TANC2: variants seen among roughly 807,000 people sequenced by gnomAD.
TANC2 encodes protein TANC2.
In TANC2, 26 loss-of-function variants were observed where a neutral mutation model predicts 210.5. The observed-to-expected ratio is 0.12, with a 90% confidence interval of 0.09 to 0.17. TANC2 has a LOEUF of 0.17. Among genes scored for constraint, TANC2 ranks in the 10% least tolerant of loss-of-function variants. The pLI is 1.00. For missense variants in TANC2, 2,129 were observed against 2,608.9 expected (o/e 0.82, Z 4.01); for synonymous variants, 931 against 967.1 (o/e 0.96, Z 0.69).
At chr17:63,370,182 CT>C (rs568393678) in intron 14 of TANC2, among the ~76,000 whole-genome samples, 177 of 131,064 alleles carry the variant, frequency 1.4e-3, no homozygotes, top group Middle Eastern at 4.2e-3. Flanking sequence ...CTTTTTTTTT[CT>C]TTTTTTTTTT....
At chr17:63,375,729 C>T (rs1282911256) in intron 14 of TANC2, among the ~76,000 whole-genome samples, 2 of 152,190 alleles carry the variant, frequency 1.3e-5, no homozygotes, top group Non-Finnish European at 2.9e-5. Flanking sequence ...TGTCTAACTT[C>T]CATATGGTCT....
chr17:63,147,712 A>G (rs1007248209), intron 4 of TANC2, among the ~76,000 whole-genome samples: 1 of 152,162 alleles, frequency 6.6e-6, no homozygotes, highest in Non-Finnish European at 1.5e-5. Flanking sequence ...ATACTGTTTA[A>G]CTTCCATTCT....
chr17:63,067,947 T>C (rs1296466653), intron 2 of TANC2, among the ~76,000 whole-genome samples: 1 of 152,206 alleles, frequency 6.6e-6, no homozygotes, highest in Non-Finnish European at 1.5e-5. Context: ...AGCACAAGTT[T>C]ACAGATTCAG....
intron 27 of TANC2, 77 bp from the exon 28 acceptor site, chr17:63,419,922 G>T: frequency 6.9e-7 from 1 of 1,443,880 alleles, no homozygotes; most frequent in South Asian, 1.5e-5. Context: ...CTGAGATAGT[G>T]ACCATGTTCT....
At chr17:63,359,298 C>G (rs986961171) in intron 14 of TANC2, among the ~76,000 whole-genome samples, 2 of 151,856 alleles carry the variant, frequency 1.3e-5, no homozygotes, top group African/African-American at 2.4e-5. Flanking sequence ...CATCCACCCA[C>G]CTTGTCCTCC....
At chr17:63,335,612 CAA>C (rs779066987) in intron 11 of TANC2, among the ~76,000 whole-genome samples, 29 of 117,940 alleles carry the variant, frequency 2.5e-4, no homozygotes, top group Non-Finnish European at 3.5e-4. Context: ...GACTCTTTCT[CAA>C]AAAAAAAAAA....
intron 13 of TANC2, among the ~76,000 whole-genome samples, chr17:63,354,411 A>C (rs938668540): frequency 2.0e-5 from 3 of 152,138 alleles, no homozygotes; most frequent in Non-Finnish European, 4.4e-5. Context: ...ATCTTTGTAC[A>C]TTTCTCTTAC....
intron 3 of TANC2, among the ~76,000 whole-genome samples, chr17:63,092,178 T>G (rs538493893): frequency 2.0e-5 from 3 of 152,230 alleles, no homozygotes; most frequent in African/African-American, 7.2e-5. Context: ...TTGTGGAGAG[T>G]AATAATTTTT....
At chr17:63,003,246 T>A (rs1337696749) in intron 1 of TANC2, among the ~76,000 whole-genome samples, 1 of 152,208 alleles carries the variant, frequency 6.6e-6, no homozygotes, top group African/African-American at 2.4e-5. Flanking sequence ...TGTGGGTCAT[T>A]TATATATCTA....
intron 2 of TANC2, among the ~76,000 whole-genome samples, chr17:63,056,413 C>G (rs2035809320): frequency 6.6e-6 from 1 of 151,986 alleles, no homozygotes; most frequent in African/African-American, 2.4e-5. Flanking sequence ...TGTGGTGACT[C>G]ACACCTGTAA....
At chr17:63,355,128 T>G (rs1164849683) in exon 14 of TANC2, 1 of 1,613,732 alleles carries the variant, frequency 6.2e-7, no homozygotes, top group Non-Finnish European at 8.5e-7. Context: ...AACCCAGTCT[T>G]CCTTTGACCG....
chr17:63,032,085 A>G (rs778123005), intron 2 of TANC2, among the ~76,000 whole-genome samples: 4 of 152,104 alleles, frequency 2.6e-5, no homozygotes, highest in East Asian at 1.9e-4. Flanking sequence ...TCTTATATCT[A>G]TTTCTTTCTG....
At chr17:63,099,422 C>T (rs2037539033) in intron 4 of TANC2, 65 bp downstream of exon 4, 23 of 1,202,488 alleles carry the variant, frequency 1.9e-5, no homozygotes, top group Non-Finnish European at 2.4e-5. Context: ...CTTTAGGTCA[C>T]GTCAGATGTG....
At chr17:63,296,619 A>G (rs1156413482) in intron 9 of TANC2, among the ~76,000 whole-genome samples, 1 of 152,214 alleles carries the variant, frequency 6.6e-6, no homozygotes, top group Non-Finnish European at 1.5e-5. Flanking sequence ...AAAGACTTTA[A>G]ATCAGCTGTA....
intron 8 of TANC2, among the ~76,000 whole-genome samples, chr17:63,241,292 A>G (rs1403499134): frequency 6.6e-6 from 1 of 152,218 alleles, no homozygotes; most frequent in Non-Finnish European, 1.5e-5. Flanking sequence ...TAATAATGGA[A>G]TGTATAAACA....
Position 63,340,113 on chromosome 17 carries a change from CACTATTG to C in TANC2, c.1589_1595del (p.His530LeufsTer28). The C allele has an allele frequency of 6.2e-7, 1 of 1,613,704 alleles. No individual in the cohort carries two copies. The highest frequency in any genetic ancestry group is 8.5e-7 in the Non-Finnish European group (1 of 1,179,844). On this transcript the variant is annotated frameshift_variant, in exon 12 of 28. Transcript: ENST00000689528. LOFTEE classifies it high-confidence loss of function. ...CTTTCTTTTGCAGGTGGTTGCCTAT[CACTATTG>C]TCAAGCAGATAATGCCTACACTTGC...
rs775232466 is a variant in TANC2 at position 63,411,672 on chromosome 17, G to A, written c.3751G>A (p.Gly1251Ser). ...CCCACTGGATCTGGCAGCTTTCTAT[G>A]GCGATGCTGAGGTGGTAAGTACCTT... The change falls in exon 22 of 28, where the codon GGC becomes AGC. Residue 1251 changes from glycine to serine, a missense_variant. Physicochemically the swap from Gly to Ser is moderately conservative, Grantham distance 56. Coordinates refer to ENST00000689528, the Ensembl canonical transcript of TANC2. 3.1e-6 allele frequency: 5 copies of A among 1,612,666 alleles called. No individual in the cohort carries two copies. In the Admixed American group the frequency reaches 8.4e-5, roughly 27 times the overall value.
At chr17:63,353,310 G>A (rs1241556646) in intron 13 of TANC2, among the ~76,000 whole-genome samples, 1 of 152,042 alleles carries the variant, frequency 6.6e-6, no homozygotes, top group African/African-American at 2.4e-5. Flanking sequence ...ATGAATCCTG[G>A]GTATGTTGTG....
chr17:62,999,080 G>A (rs1486601948), intron 1 of TANC2, among the ~76,000 whole-genome samples: 2 of 152,150 alleles, frequency 1.3e-5, no homozygotes, highest in Admixed American at 6.5e-5. Flanking sequence ...CTGGAAGTGC[G>A]GCAGGGCCTT....
Sources: allele counts gnomAD v4.1 joint callset (sites outside exome capture counted in the v4.1 genomes callset), GRCh38; gene constraint gnomAD v4.1.1; transcripts MANE v1.5; gene names NCBI Gene and HGNC (gene_info 2026-07-23, HGNC 2026-07-21).